Variants in ZDHHC15 observed in about 807,000 individuals in gnomAD.
ZDHHC15 encodes the protein palmitoyltransferase ZDHHC15.
Under a neutral mutation model 31.7 loss-of-function variants are expected in ZDHHC15, and 19 were observed. The observed-to-expected ratio is 0.60, with a 90% CI of 0.42 to 0.88. The LOEUF (loss-of-function observed/expected upper bound fraction) is 0.88. ZDHHC15 is among the 40% of genes least tolerant of loss of function. The pLI is 0.00. For missense variants in ZDHHC15, 209 were observed against 251.2 expected, an observed-to-expected ratio of 0.83 and a Z score of 1.14; for synonymous variants, 103 against 90.0, an observed-to-expected ratio of 1.14 and a Z score of -0.82.
chrX:75,495,212 A>T (rs2084972324), intron 2 of ZDHHC15, among the ~76,000 whole-genome samples: 2 of 112,407 alleles, frequency 1.8e-5, no homozygotes, highest in African/African-American at 6.5e-5. Context: ...AGAGAAATGC[A>T]AATCAAAACC....
chrX:75,410,433 T>C (rs926158100), intron 10 of ZDHHC15, among the ~76,000 whole-genome samples: 2 of 111,343 alleles, frequency 1.8e-5, no homozygotes, highest in Admixed American at 9.5e-5. Flanking sequence ...GATTCTAGAA[T>C]GGGCAAAATA....
intron 4 of ZDHHC15, among the ~76,000 whole-genome samples, chrX:75,435,700 G>A (rs1170383766): frequency 1.8e-5 from 2 of 112,138 alleles, no homozygotes; most frequent in East Asian, 2.8e-4. Flanking sequence ...CCCACATGAT[G>A]ATGATGGATT....
intron 8 of ZDHHC15, 106 bp downstream of exon 8, chrX:75,424,546 T>C: frequency 1.2e-6 from 1 of 842,243 alleles, no homozygotes; most frequent in Non-Finnish European, 1.6e-6. Flanking sequence ...TAGAGGGATG[T>C]CACTGCAGCT....
intron 4 of ZDHHC15, among the ~76,000 whole-genome samples, chrX:75,431,777 T>C (rs2083783549): frequency 9.0e-6 from 1 of 111,653 alleles, no homozygotes; most frequent in African/African-American, 3.3e-5. Flanking sequence ...TCATAAGATC[T>C]TTCATTATAA....
At chrX:75,488,413 C>T (rs1378317295) in intron 2 of ZDHHC15, among the ~76,000 whole-genome samples, 8 of 111,768 alleles carry the variant, frequency 7.2e-5, no homozygotes, top group Non-Finnish European at 1.5e-4. Context: ...TTGTATCTGG[C>T]AAAACTAAGC....
chrX:75,396,350 T>G (rs189924660), intron 10 of ZDHHC15, among the ~76,000 whole-genome samples: 1 of 112,042 alleles, frequency 8.9e-6, no homozygotes, highest in Non-Finnish European at 1.9e-5. Context: ...GAATAGACAT[T>G]TCTGAAATGA....
intron 2 of ZDHHC15, among the ~76,000 whole-genome samples, chrX:75,495,931 T>C (rs548948650): frequency 1.5e-4 from 15 of 103,377 alleles, no homozygotes; most frequent in African/African-American, 5.0e-4. Flanking sequence ...TGAAGCATAA[T>C]TAAAAAAAAA....
intron 1 of ZDHHC15, among the ~76,000 whole-genome samples, chrX:75,521,542 T>G (rs2085441731): frequency 9.0e-6 from 1 of 110,890 alleles, no homozygotes; most frequent in Admixed American, 9.7e-5. Context: ...TGTAGAATTC[T>G]GAGTTTGAAT....
chrX:75,436,763 T>C (rs1259490311), intron 4 of ZDHHC15, among the ~76,000 whole-genome samples: 1 of 113,100 alleles, frequency 8.8e-6, no homozygotes, highest in Non-Finnish European at 1.9e-5. Context: ...TCATATGGTC[T>C]ATCTTGAATA....
intron 3 of ZDHHC15, among the ~76,000 whole-genome samples, chrX:75,467,956 C>G (rs1251332848): frequency 9.0e-6 from 1 of 111,223 alleles, no homozygotes; most frequent in East Asian, 2.8e-4. Context: ...AATTCTGTCT[C>G]TATGGATTTG....
chrX:75,417,118 T>C lies in ZDHHC15; in HGVS notation c.936A>G (p.Glu312=), dbSNP rs1427977327. Residue 312 remains glutamate, a synonymous_variant, in exon 10 of 12, where the codon GAA becomes GAG. Coordinates refer to ENST00000373367, the MANE Select transcript of ZDHHC15 (RefSeq NM_144969.3). ...TGTCATCCTCGTTGTCTTCCCAGGTTTCTTCATTTGCTAGCAGTGGGTTCT... is the reference window on the plus strand; with the variant it reads ...TGTCATCCTCGTTGTCTTCCCAGGTCTCTTCATTTGCTAGCAGTGGGTTCT... ...ESQNPLLANE[E]TWEDNEDDNQ... is the part of the protein sequence containing the mutation. 1 of 1,209,823 alleles carries C rather than the reference T, an allele frequency of 8.3e-7. No homozygotes were observed. Among genetic ancestry groups the C allele is most frequent in the Admixed American group, 2.2e-5 (1 of 45,957 alleles).
intron 10 of ZDHHC15, among the ~76,000 whole-genome samples, chrX:75,407,404 C>T (rs1207167971): frequency 2.5e-4 from 27 of 109,816 alleles, no homozygotes. Flanking sequence ...TGGGGGGCAG[C>T]CCCCACCCAG....
At chrX:75,380,996 T>C (rs763666997) in intron 10 of ZDHHC15, among the ~76,000 whole-genome samples, 6 of 111,656 alleles carry the variant, frequency 5.4e-5, no homozygotes, top group Non-Finnish European at 9.4e-5. Flanking sequence ...CCATTGGTTC[T>C]CAGAGATTGG....
At position 75,429,234 on chromosome X, in the gene ZDHHC15, C is replaced by T. The variant is rs780909173; in HGVS notation, c.483-36G>A. The T allele has an allele frequency of 5.1e-6, 6 of 1,182,541 alleles. No individual in the cohort carries two copies. In the Admixed American group the frequency reaches 7.4e-5, roughly 15 times the overall value. Reference sequence around the variant, plus strand: ...AGAAAAACTAATTTGACATCAGGACCTCTTGATTGAGAGCACACTGATACA... The same window carrying T: ...AGAAAAACTAATTTGACATCAGGACTTCTTGATTGAGAGCACACTGATACA... On this transcript the variant is annotated intron_variant, in intron 6 of 11. Coordinates refer to ENST00000373367, the MANE Select transcript of ZDHHC15 (RefSeq NM_144969.3).
chrX:75,439,009 C>T (rs1265564483), intron 4 of ZDHHC15, among the ~76,000 whole-genome samples: 1 of 111,492 alleles, frequency 9.0e-6, no homozygotes, highest in Non-Finnish European at 1.9e-5. Flanking sequence ...TGCAGGGTTT[C>T]TGCTGACAAA....
At chrX:75,434,411 G>A (rs1322839097) in intron 4 of ZDHHC15, among the ~76,000 whole-genome samples, 4 of 111,713 alleles carry the variant, frequency 3.6e-5, no homozygotes, top group Non-Finnish European at 7.5e-5. Context: ...ATTTGCATAG[G>A]CCAATATCTA....
chrX:75,467,236 T>A (rs1280406157), intron 3 of ZDHHC15, among the ~76,000 whole-genome samples: 2 of 112,400 alleles, frequency 1.8e-5, no homozygotes, highest in Non-Finnish European at 3.7e-5. Context: ...TAATTAAAAG[T>A]AGCACCTTGT....
intron 10 of ZDHHC15, among the ~76,000 whole-genome samples, chrX:75,380,322 T>C (rs903816292): frequency 4.5e-5 from 5 of 112,304 alleles, no homozygotes; most frequent in African/African-American, 1.6e-4. Flanking sequence ...GCCTTGCTGT[T>C]CCAAAGAAGT....
intron 4 of ZDHHC15, among the ~76,000 whole-genome samples, chrX:75,435,837 T>C (rs2083843934): frequency 8.9e-6 from 1 of 112,129 alleles, no homozygotes; most frequent in Non-Finnish European, 1.9e-5. Flanking sequence ...TTTTTGGTAC[T>C]AGGGTAATAT....
Sources: allele counts gnomAD v4.1 joint callset (sites outside exome capture counted in the v4.1 genomes callset), GRCh38; gene constraint gnomAD v4.1.1; transcripts MANE v1.5; gene names NCBI Gene and HGNC (gene_info 2026-07-23, HGNC 2026-07-21).